The following ZNF438 variants were observed in gnomAD, a reference collection of about 807,000 sequenced individuals.
ZNF438 encodes the protein zinc finger protein 438.
ZNF438 carries 25 observed loss-of-function variants against 38.0 expected under a neutral mutation model. That is an observed-to-expected ratio of 0.66 (90% CI 0.48 to 0.92). ZNF438 has a LOEUF of 0.92. Ranked by LOEUF, ZNF438 falls within the 40% of genes least tolerant of loss-of-function variation. ZNF438 has a pLI of 0.00. For synonymous variants in ZNF438, 372 were observed against 364.1 expected, an observed-to-expected ratio of 1.02 and a Z score of -0.25; for missense variants, 1,007 against 999.6, an observed-to-expected ratio of 1.01 and a Z score of -0.10.
intron 3 of ZNF438, among the ~76,000 whole-genome samples, chr10:30,889,422 TCTCTC>T (rs887507242): frequency 5.9e-5 from 9 of 152,140 alleles, no homozygotes; most frequent in African/African-American, 1.4e-4. Context: ...CCTCCTCTCT[TCTCTC>T]GTCTCCTGAG....
intron 2 of ZNF438, among the ~76,000 whole-genome samples, chr10:30,922,924 T>C (rs557805621): frequency 7.9e-5 from 12 of 152,260 alleles, no homozygotes; most frequent in African/African-American, 2.6e-4. Context: ...TAAACAACCC[T>C]TTCTAAGTAT....
intron 4 of ZNF438, among the ~76,000 whole-genome samples, chr10:30,857,443 C>T (rs180685062): frequency 2.4e-4 from 37 of 151,840 alleles, no homozygotes; most frequent in African/African-American, 7.5e-4. Flanking sequence ...TTAGTAGAGG[C>T]GGGGTTTCAC....
chr10:30,912,003 T>A (rs2134590475), intron 2 of ZNF438, among the ~76,000 whole-genome samples: 1 of 152,262 alleles, frequency 6.6e-6, no homozygotes, highest in East Asian at 1.9e-4. Context: ...GTTTATATAT[T>A]CAACCTCTTC....
In ZNF438 at chr10:30,990,774, G is replaced by C. The variant is rs113646469; in HGVS notation, c.-192+41059C>G. ...TCCCAGGTTCTTCAACAGGTAAACT[G>C]TATGAAACTTAAAGGGATGGAGAAG... is the stretch of plus-strand genomic sequence containing the variant. On this transcript the variant is annotated intron_variant, in intron 1 of 5. Coordinates refer to ENST00000413025, the Ensembl canonical transcript of ZNF438. Among the ~76,000 whole-genome samples, 981 of 152,048 alleles carry C rather than the reference G, an allele frequency of 6.5e-3. 8 individuals are homozygous for C. The highest frequency in any genetic ancestry group is 0.022 in the African/African-American group (929 of 41,430).
At chr10:30,986,931 G>A (rs898803370) in intron 1 of ZNF438, among the ~76,000 whole-genome samples, 6 of 152,244 alleles carry the variant, frequency 3.9e-5, no homozygotes, top group African/African-American at 1.2e-4. Flanking sequence ...AACCTTGGTT[G>A]AGTACAGCAT....
chr10:31,006,793 C>G (rs2055178711), intron 1 of ZNF438, among the ~76,000 whole-genome samples: 3 of 150,710 alleles, frequency 2.0e-5, no homozygotes, highest in Admixed American at 2.0e-4. Flanking sequence ...GGGGGAACTC[C>G]CACACGTGTG....
chr10:30,934,510 T>G (rs1183872738), intron 2 of ZNF438, among the ~76,000 whole-genome samples: 2 of 152,264 alleles, frequency 1.3e-5, no homozygotes, highest in Non-Finnish European at 2.9e-5. Flanking sequence ...GAAGCATTTG[T>G]AAGTTGATAT....
intron 1 of ZNF438, among the ~76,000 whole-genome samples, chr10:30,956,577 C>G (rs3011602): frequency 0.74 from 112,928 of 152,074 alleles, 42,752 homozygotes; most frequent in African/African-American, 0.87. Context: ...CTCTTCCCCA[C>G]CCAGTGGTAA....
chr10:30,926,125 G>A (rs1286871667), intron 2 of ZNF438, among the ~76,000 whole-genome samples: 2 of 152,142 alleles, frequency 1.3e-5, no homozygotes, highest in Non-Finnish European at 2.9e-5. Flanking sequence ...TGCCTCCAGA[G>A]GTTTAAAGTA....
intron 1 of ZNF438, among the ~76,000 whole-genome samples, chr10:30,957,401 ATTTG>A (rs1186049967): frequency 1.3e-5 from 2 of 152,014 alleles, no homozygotes; most frequent in South Asian, 2.1e-4. Flanking sequence ...ATGTAATCCC[ATTTG>A]TTTATTTTTT....
intron 3 of ZNF438, among the ~76,000 whole-genome samples, chr10:30,884,300 C>A (rs1188554730): frequency 6.6e-6 from 1 of 152,032 alleles, no homozygotes; most frequent in Non-Finnish European, 1.5e-5. Flanking sequence ...ATATACCTAA[C>A]ACTTATTAAA....
chr10:30,847,856 C>T (rs1023081972), intron 5 of ZNF438, among the ~76,000 whole-genome samples: 4 of 152,240 alleles, frequency 2.6e-5, no homozygotes, highest in East Asian at 3.8e-4. Context: ...CTCACTCACA[C>T]ATCCCTCACC....
intron 1 of ZNF438, among the ~76,000 whole-genome samples, chr10:30,979,414 T>C (rs1441827333): frequency 6.6e-6 from 1 of 152,144 alleles, no homozygotes; most frequent in African/African-American, 2.4e-5. Context: ...TAGAACTACT[T>C]TAAACTGCAT....
chr10:30,975,538 T>C (rs1168296244), intron 1 of ZNF438, among the ~76,000 whole-genome samples: 1 of 152,142 alleles, frequency 6.6e-6, no homozygotes, highest in African/African-American at 2.4e-5. Context: ...TAAAATCCAT[T>C]AATCCAATAA....
intron 2 of ZNF438, chr10:30,920,538 G>A (rs970250822): frequency 2.0e-5 from 3 of 152,118 alleles, no homozygotes; most frequent in African/African-American, 4.8e-5. Flanking sequence ...TTCTTCTCCT[G>A]AGAGAAGTAA....
At chr10:30,957,239 T>C (rs1430471946) in intron 1 of ZNF438, among the ~76,000 whole-genome samples, 1 of 152,210 alleles carries the variant, frequency 6.6e-6, no homozygotes, top group African/African-American at 2.4e-5. Flanking sequence ...TTCAGATTGT[T>C]TGCTTGCTTT....
At chr10:30,998,654 T>C (rs2054322531) in intron 1 of ZNF438, among the ~76,000 whole-genome samples, 1 of 151,162 alleles carries the variant, frequency 6.6e-6, no homozygotes, top group South Asian at 2.1e-4. Context: ...TCATGGTTAT[T>C]AAAGTATTTT....
chr10:30,886,268 T>C (rs1398944050), intron 3 of ZNF438, among the ~76,000 whole-genome samples: 2 of 152,218 alleles, frequency 1.3e-5, no homozygotes, highest in Non-Finnish European at 2.9e-5. Context: ...TTATGACATA[T>C]GGAAGAAAAA....
intron 3 of ZNF438, among the ~76,000 whole-genome samples, chr10:30,892,347 TA>T (rs56073908): frequency 0.35 from 53,467 of 151,978 alleles, 11,013 homozygotes; most frequent in African/African-American, 0.57. Flanking sequence ...TAACAACATA[TA>T]ATGTGTGAAT....
Sources: allele counts gnomAD v4.1 joint callset (sites outside exome capture counted in the v4.1 genomes callset), GRCh38; gene constraint gnomAD v4.1.1; transcripts MANE v1.5; gene names NCBI Gene and HGNC (gene_info 2026-07-23, HGNC 2026-07-21).